Variants in CAP2 observed in about 807,000 individuals in gnomAD.
CAP2 encodes adenylyl cyclase-associated protein 2.
CAP2 carries 24 observed loss-of-function variants against 57.7 expected under a neutral mutation model. The ratio of observed to expected loss-of-function variants is 0.42; its 90% CI spans 0.30 to 0.58. The LOEUF (loss-of-function observed/expected upper bound fraction) is 0.58. Among genes scored for constraint, CAP2 ranks in the 20% least tolerant of loss-of-function variants. The pLI, the probability that CAP2 is intolerant of heterozygous loss-of-function variation, is 0.22. For synonymous variants in CAP2, 194 were observed against 207.2 expected (o/e 0.94, Z 0.55); for missense variants, 501 against 590.3 (o/e 0.85, Z 1.57).
At chr6:17,416,034 C>T (rs1364080435) in intron 1 of CAP2, among the ~76,000 whole-genome samples, 1 of 151,328 alleles carries the variant, frequency 6.6e-6, no homozygotes, top group East Asian at 1.9e-4. Flanking sequence ...TGTTTAGAAG[C>T]AAAAGAGTCA....
intron 8 of CAP2, 119 bp from the exon 9 acceptor site, chr6:17,540,854 T>A: frequency 1.1e-6 from 1 of 904,316 alleles, no homozygotes; most frequent in Non-Finnish European, 1.7e-6. Flanking sequence ...CACTAGACTG[T>A]TTTGAAAGTG....
chr6:17,532,561 C>T (rs1397963008), intron 7 of CAP2, among the ~76,000 whole-genome samples: 1 of 150,518 alleles, frequency 6.6e-6, no homozygotes, highest in Non-Finnish European at 1.5e-5. Flanking sequence ...GTCTGGCCAA[C>T]ATAGTGAAAC....
At chr6:17,526,205 C>T (rs1261416623) in intron 7 of CAP2, among the ~76,000 whole-genome samples, 4 of 151,866 alleles carry the variant, frequency 2.6e-5, no homozygotes, top group Non-Finnish European at 5.9e-5. Flanking sequence ...GCAACCTCCA[C>T]CTCCCGGGTT....
rs376498997 is a variant in CAP2, at chr6:17,519,930, G to A, written c.636+5976G>A. Among the ~76,000 whole-genome samples the A allele has an allele frequency of 1.1e-4, 16 of 152,082 alleles. No individual in the cohort carries two copies. In the East Asian group the frequency reaches 1.7e-3, roughly 17 times the overall value. ...AAATGTGATTATTTTATTAACTTTC[G>A]GTTGTTAAACTTGTTGACATATTTC... On this transcript the variant is annotated intron_variant, in intron 7 of 12. Transcript: ENST00000229922.
intron 4 of CAP2, among the ~76,000 whole-genome samples, chr6:17,478,510 G>C (rs1451906612): frequency 6.6e-6 from 1 of 151,796 alleles, no homozygotes; most frequent in Non-Finnish European, 1.5e-5. Context: ...CCCTTTTCGT[G>C]TTGTTGTGAC....
At chr6:17,473,101 G>T (rs2113611558) in intron 4 of CAP2, among the ~76,000 whole-genome samples, 1 of 151,660 alleles carries the variant, frequency 6.6e-6, no homozygotes. Context: ...ACATGAATTA[G>T]ATAATGAATG....
intron 3 of CAP2, among the ~76,000 whole-genome samples, chr6:17,440,412 T>G (rs1326036207): frequency 6.6e-6 from 1 of 151,688 alleles, no homozygotes; most frequent in Non-Finnish European, 1.5e-5. Flanking sequence ...AGCTTTTCAG[T>G]TGATTATTCA....
intron 5 of CAP2, 110 bp downstream of exon 5, chr6:17,507,422 C>T (rs966479931): frequency 6.7e-6 from 8 of 1,202,286 alleles, no homozygotes; most frequent in Non-Finnish European, 9.5e-6. Flanking sequence ...AAGCTTCTTC[C>T]TGGGCTGAAT....
At chr6:17,523,442 T>C (rs1488561562) in intron 7 of CAP2, among the ~76,000 whole-genome samples, 30 of 152,084 alleles carry the variant, frequency 2.0e-4, no homozygotes. Context: ...GATTTAGATC[T>C]GGAATTCACT....
At chr6:17,503,095 T>C (rs1178899867) in intron 4 of CAP2, among the ~76,000 whole-genome samples, 1 of 152,204 alleles carries the variant, frequency 6.6e-6, no homozygotes, top group Non-Finnish European at 1.5e-5. Context: ...GTTTGTTCTA[T>C]TGTTGAGAAT....
intron 3 of CAP2, among the ~76,000 whole-genome samples, chr6:17,459,974 TGAA>T (rs1052601101): frequency 6.6e-5 from 10 of 152,122 alleles, no homozygotes; most frequent in African/African-American, 2.4e-4. Context: ...TTCCCAGAAA[TGAA>T]GAAAGGACTA....
chr6:17,555,812 C>G lies in CAP2; in HGVS notation c.1351-547C>G, dbSNP rs149750255. Among the ~76,000 whole-genome samples, 927 of 152,280 alleles carry G rather than the reference C, an allele frequency of 6.1e-3. 6 individuals are homozygous for G. The highest frequency in any genetic ancestry group is 0.01 in the Middle Eastern group (3 of 294). On this transcript the variant is annotated intron_variant, in intron 12 of 12. Coordinates refer to ENST00000229922, the MANE Select transcript of CAP2 (RefSeq NM_006366.3). ...GAACTCCTGACCTCAGGTGATCCCC[C>G]TGCCTTGGCCTCCCAAAGTTCTGAG...
At chr6:17,425,920 C>T (rs1331894221) in intron 2 of CAP2, among the ~76,000 whole-genome samples, 2 of 151,986 alleles carry the variant, frequency 1.3e-5, no homozygotes, top group Non-Finnish European at 2.9e-5. Flanking sequence ...TATGGTGAGA[C>T]CCTGTCTCTA....
intron 3 of CAP2, among the ~76,000 whole-genome samples, chr6:17,453,393 G>A (rs553902949): frequency 1.3e-5 from 2 of 152,132 alleles, no homozygotes; most frequent in African/African-American, 2.4e-5. Flanking sequence ...ACTGTGTATC[G>A]GGAAAAGACA....
chr6:17,541,175 T>A (rs1175806987), intron 9 of CAP2, 27 bp downstream of exon 9: 1 of 1,569,468 alleles, frequency 6.4e-7, no homozygotes, highest in Non-Finnish European at 8.7e-7. Context: ...AACCTTTATT[T>A]TCCTGACATG....
At chr6:17,442,118 T>C (rs1760097094) in intron 3 of CAP2, among the ~76,000 whole-genome samples, 1 of 152,206 alleles carries the variant, frequency 6.6e-6, no homozygotes, top group Non-Finnish European at 1.5e-5. Flanking sequence ...AATTAAATTC[T>C]TTGGTCGAGT....
chr6:17,426,051 C>T lies in CAP2; in HGVS notation c.122-539C>T, dbSNP rs144649431. Reference sequence around the variant, plus strand: ...AGGAGGTTGCAGTGAGCCAAGATCACGCCACTGCACTCCAGCCTGGGTGAC... The same window carrying T: ...AGGAGGTTGCAGTGAGCCAAGATCATGCCACTGCACTCCAGCCTGGGTGAC... On this transcript the variant is annotated intron_variant, in intron 2 of 12. Transcript: ENST00000229922. Among the ~76,000 whole-genome samples, 961 of 151,762 alleles carry T rather than the reference C, an allele frequency of 6.3e-3. 8 individuals are homozygous for T. The highest frequency in any genetic ancestry group is 0.019 in the African/African-American group (791 of 41,384).
At chr6:17,436,085 CT>C in intron 3 of CAP2, among the ~76,000 whole-genome samples, 2 of 130,786 alleles carry the variant, frequency 1.5e-5, no homozygotes, top group African/African-American at 5.8e-5. Flanking sequence ...TTCTTTCTTT[CT>C]TTCCTTCCTT....
rs1183103929 is a variant in CAP2, at chr6:17,394,619, T to C, written c.-2+873T>C. The stretch of plus-strand genomic sequence containing the variant: ...TCTAGGACCTTTGGTTTTATAGTTA[T>C]GGAAATGCAGAAGCTTCTGGGACTT... On this transcript the variant is annotated intron_variant, in intron 1 of 12. Coordinates refer to ENST00000229922, the MANE Select transcript of CAP2 (RefSeq NM_006366.3). Among the ~76,000 whole-genome samples the C allele has an allele frequency of 3.3e-5, 5 of 152,236 alleles. No homozygotes were observed. In the South Asian group the frequency reaches 6.2e-4, roughly 19 times the overall value.
Sources: gnomAD v4.1 joint callset for allele counts (sites outside exome capture counted in the v4.1 genomes callset) on GRCh38, gnomAD v4.1.1 for gene constraint, MANE v1.5 for transcripts, NCBI Gene and HGNC (gene_info 2026-07-23, HGNC 2026-07-21) for gene names.